FBXL13: variants seen among roughly 807,000 people sequenced by gnomAD.
FBXL13 encodes the protein F-box and leucine rich repeat protein 13.
Under a neutral mutation model 83.6 loss-of-function variants are expected in FBXL13, and 67 were observed. The observed-to-expected ratio is 0.80, with a 90% CI of 0.66 to 0.98. The LOEUF is 0.98. FBXL13 is among the 50% of genes least tolerant of loss of function. The pLI is 0.00. For missense variants in FBXL13, 822 were observed against 866.5 expected, an observed-to-expected ratio of 0.95 and a Z score of 0.64; for synonymous variants, 272 against 299.5, an observed-to-expected ratio of 0.91 and a Z score of 0.95.
At position 102,916,791 on chromosome 7, in the gene FBXL13, T is replaced by TGG. The variant is rs61021557; in HGVS notation, c.879-3578_879-3577dup. ...CTAATTATTTGATAACTGTTTCTTATGGGGGGGGGTGTGAGTCCTCTCTTT... is the reference window on the plus strand; with the variant it reads ...CTAATTATTTGATAACTGTTTCTTATGGGGGGGGGGGTGTGAGTCCTCTCTTT... On this transcript the variant is annotated intron_variant, in intron 10 of 19. Coordinates refer to ENST00000313221, the Ensembl canonical transcript of FBXL13. Among the ~76,000 whole-genome samples the TGG allele has an allele frequency of 9.0e-3, 1,330 of 147,834 alleles. 26 individuals are homozygous for TGG. Among genetic ancestry groups the TGG allele is most frequent in the East Asian group, 0.074 (357 of 4,800 alleles).
chr7:102,859,316 T>C (rs1399933137), intron 16 of FBXL13, among the ~76,000 whole-genome samples: 1 of 152,124 alleles, frequency 6.6e-6, no homozygotes, highest in African/African-American at 2.4e-5. Context: ...AATTGCCTCA[T>C]GCTGGTTACA....
intron 16 of FBXL13, 62 bp from the exon 18 acceptor site, chr7:102,854,922 C>T: frequency 2.2e-6 from 2 of 919,050 alleles, no homozygotes; most frequent in Admixed American, 2.6e-5. Flanking sequence ...TATATAGTTC[C>T]AATAACCATT....
At chr7:102,962,764 T>C (rs1251074771) in intron 8 of FBXL13, among the ~76,000 whole-genome samples, 2 of 142,804 alleles carry the variant, frequency 1.4e-5, no homozygotes, top group East Asian at 2.1e-4. Flanking sequence ...TTCTCACTCA[T>C]AGGTGGGAAC....
chr7:102,840,837 C>T (rs565270540), intron 17 of FBXL13, among the ~76,000 whole-genome samples: 1 of 152,206 alleles, frequency 6.6e-6, no homozygotes, highest in South Asian at 2.1e-4. Context: ...AACTGTCTAC[C>T]TATCTCATAG....
chr7:103,002,364 A>G (rs1039274796), intron 6 of FBXL13, among the ~76,000 whole-genome samples: 1 of 152,178 alleles, frequency 6.6e-6, no homozygotes, highest in African/African-American at 2.4e-5. Context: ...TATATTGTCT[A>G]TATCTTAACA....
chr7:102,932,704 T>C (rs894295887), intron 8 of FBXL13, among the ~76,000 whole-genome samples: 4 of 152,070 alleles, frequency 2.6e-5, no homozygotes, highest in Non-Finnish European at 5.9e-5. Flanking sequence ...AGGCGATCCT[T>C]TCACTTCAGC....
At chr7:103,012,930 A>C (rs1791815526) in intron 6 of FBXL13, among the ~76,000 whole-genome samples, 1 of 152,248 alleles carries the variant, frequency 6.6e-6, no homozygotes, top group Non-Finnish European at 1.5e-5. Flanking sequence ...CTAGGCTTAA[A>C]GTAAAGGGAT....
chr7:102,840,670 C>T (rs899045142), intron 17 of FBXL13, among the ~76,000 whole-genome samples: 3 of 152,088 alleles, frequency 2.0e-5, no homozygotes, highest in East Asian at 3.9e-4. Context: ...CTTTCACCTC[C>T]CATTTGCGGA....
chr7:102,973,387 G>C, intron 6 of FBXL13: 1 of 686,600 alleles, frequency 1.5e-6, no homozygotes, highest in Non-Finnish European at 2.7e-6. Context: ...TACCCCTGAA[G>C]ATCGAGAAAC....
chr7:103,056,660 G>A (rs1411915085), intron 1 of FBXL13, among the ~76,000 whole-genome samples: 1 of 152,036 alleles, frequency 6.6e-6, no homozygotes, highest in Non-Finnish European at 1.5e-5. Context: ...GTTTCACCAT[G>A]TTGGCCAAGC....
At chr7:103,059,828 C>T (rs1181366205) in intron 1 of FBXL13, among the ~76,000 whole-genome samples, 1 of 151,682 alleles carries the variant, frequency 6.6e-6, no homozygotes, top group Non-Finnish European at 1.5e-5. Flanking sequence ...AGGGTGGAGT[C>T]CACTTGGTTT....
At chr7:102,824,225 T>C (rs1026030576) in intron 18 of FBXL13, among the ~76,000 whole-genome samples, 7 of 152,240 alleles carry the variant, frequency 4.6e-5, no homozygotes, top group African/African-American at 9.6e-5. Flanking sequence ...CCCAGCCTCA[T>C]TGGGCAGATT....
At chr7:103,064,014 G>C (rs1019566227) in intron 1 of FBXL13, among the ~76,000 whole-genome samples, 14 of 152,196 alleles carry the variant, frequency 9.2e-5, no homozygotes, top group African/African-American at 3.4e-4. Context: ...GCTTACTGAT[G>C]TCACTAGGGC....
chr7:103,058,968 T>C (rs570130987), intron 1 of FBXL13, among the ~76,000 whole-genome samples: 36 of 152,302 alleles, frequency 2.4e-4, no homozygotes, highest in African/African-American at 8.4e-4. Flanking sequence ...ACATAGGAAA[T>C]CTCACTGTTG....
intron 17 of FBXL13, 122 bp from the exon 19 acceptor site, chr7:102,833,096 C>T: frequency 1.0e-6 from 1 of 1,003,960 alleles, no homozygotes; most frequent in East Asian, 2.6e-5. Context: ...TCTTGATGCC[C>T]CCAAAAAATA....
chr7:102,990,693 C>T (rs1829470020), intron 6 of FBXL13, among the ~76,000 whole-genome samples: 1 of 152,160 alleles, frequency 6.6e-6, no homozygotes, highest in Non-Finnish European at 1.5e-5. Flanking sequence ...GGTAGCCTTT[C>T]TGGAAGAGAT....
chr7:103,002,914 C>G (rs1585310883), intron 6 of FBXL13, among the ~76,000 whole-genome samples: 1 of 152,072 alleles, frequency 6.6e-6, no homozygotes, highest in East Asian at 1.9e-4. Flanking sequence ...GATCTCTGAC[C>G]TTCCTGACTC....
At chr7:102,921,300 T>C (rs1156411346) in intron 10 of FBXL13, among the ~76,000 whole-genome samples, 1 of 152,226 alleles carries the variant, frequency 6.6e-6, no homozygotes, top group Non-Finnish European at 1.5e-5. Flanking sequence ...AAGAGAAGCT[T>C]GATCATAATA....
At chr7:102,893,750 A>G (rs1811836659) in intron 11 of FBXL13, among the ~76,000 whole-genome samples, 1 of 145,902 alleles carries the variant, frequency 6.9e-6, no homozygotes, top group African/African-American at 2.5e-5. Context: ...CCTGGGTGAC[A>G]GAGCAAGACT....
Sources: gnomAD v4.1 joint callset for allele counts (sites outside exome capture counted in the v4.1 genomes callset) on GRCh38, gnomAD v4.1.1 for gene constraint, MANE v1.5 for transcripts, NCBI Gene and HGNC (gene_info 2026-07-23, HGNC 2026-07-21) for gene names.